The following TXNDC16 variants were observed in gnomAD, a reference collection of about 807,000 sequenced individuals.
TXNDC16 encodes thioredoxin domain containing 16.
A neutral mutation model predicts 85.6 loss-of-function variants in TXNDC16; 74 were observed. The observed-to-expected ratio is 0.86, with a 90% CI of 0.72 to 1.05. TXNDC16 has a LOEUF of 1.05. Among genes scored for constraint, TXNDC16 ranks in the 50% least tolerant of loss-of-function variants. The pLI, the probability that TXNDC16 is intolerant of heterozygous loss-of-function variation, is 0.00. For synonymous variants in TXNDC16, 335 were observed against 326.5 expected, an observed-to-expected ratio of 1.03 and a Z score of -0.28; for missense variants, 959 against 947.0, an observed-to-expected ratio of 1.01 and a Z score of -0.17.
intron 16 of TXNDC16, among the ~76,000 whole-genome samples, chr14:52,466,130 TTAAA>T (rs965758789): frequency 1.2e-4 from 18 of 151,384 alleles, no homozygotes; most frequent in African/African-American, 4.1e-4. Flanking sequence ...CAATAAATAA[TTAAA>T]TAAATAAATA....
In TXNDC16 at chr14:52,490,913, A is replaced by C. The variant is rs764369521; in HGVS notation, c.849T>G (p.Tyr283Ter). ...ATTCTGCAGTTCTTCTATCAGCTTCATAAGTAGCCTGTTGGCTAACAATAA... is the reference window on the plus strand; with the variant it reads ...ATTCTGCAGTTCTTCTATCAGCTTCCTAAGTAGCCTGTTGGCTAACAATAA... ...LVFIVSQQAT[Y>*]EADRRTAEWV... Residue 283 changes from tyrosine to a stop codon, truncating the protein, a stop_gained, in exon 10 of 21, where the codon TAT becomes TAG. Transcript: ENST00000281741. LOFTEE classifies it high-confidence loss of function. The C allele has an allele frequency of 1.2e-6, 2 of 1,613,750 alleles. No individual in the cohort carries two copies. The highest frequency in any genetic ancestry group is 1.7e-6 in the Non-Finnish European group (2 of 1,179,914).
intron 2 of TXNDC16, 147 bp from the exon 3 acceptor site, chr14:52,543,777 A>G: frequency 4.2e-6 from 2 of 477,212 alleles, no homozygotes; most frequent in Non-Finnish European, 7.4e-6. Flanking sequence ...GAGGGGGGAC[A>G]ATATATAACA....
intron 6 of TXNDC16, among the ~76,000 whole-genome samples, chr14:52,524,176 T>C (rs2037273944): frequency 6.6e-6 from 1 of 152,242 alleles, no homozygotes; most frequent in African/African-American, 2.4e-5. Flanking sequence ...GGAGGACAGC[T>C]GTAAAAGTAA....
rs985194456 is a variant in TXNDC16, at chr14:52,431,751, T to A, written c.*553A>T. 6.6e-6 allele frequency: 1 copy of A among 152,280 alleles called. No homozygotes were observed. The highest frequency in any genetic ancestry group is 1.9e-4 in the East Asian group (1 of 5,208). The allele number at this position is 152,280 out of a possible 1,614,324, so 9.4% of individuals were successfully genotyped here. A position where few individuals can be genotyped will look rare whatever the true frequency, so the allele number is the denominator to read the frequency against. Reference sequence around the variant, plus strand: ...ACAATTGCTAAATATCCCCTGAGGTTGACAAACGCTGATTTTAATATCATG... The same window carrying A: ...ACAATTGCTAAATATCCCCTGAGGTAGACAAACGCTGATTTTAATATCATG... On this transcript the variant is annotated 3_prime_UTR_variant, in exon 21 of 21. Coordinates refer to ENST00000281741, the MANE Select transcript of TXNDC16 (RefSeq NM_020784.3).
intron 9 of TXNDC16, among the ~76,000 whole-genome samples, chr14:52,497,753 C>T (rs571795629): frequency 6.6e-6 from 1 of 152,078 alleles, no homozygotes; most frequent in South Asian, 2.1e-4. Context: ...TGGCAGCATG[C>T]ACCTGTAATC....
chr14:52,544,934 C>A (rs927225910), intron 1 of TXNDC16, among the ~76,000 whole-genome samples: 16 of 151,986 alleles, frequency 1.1e-4, no homozygotes, highest in African/African-American at 3.4e-4. Context: ...TACATTATAA[C>A]CATTTTAAAC....
At chr14:52,476,863 C>T (rs779911699) in intron 14 of TXNDC16, among the ~76,000 whole-genome samples, 3 of 152,112 alleles carry the variant, frequency 2.0e-5, no homozygotes, top group Non-Finnish European at 4.4e-5. Context: ...AATGCCTAGG[C>T]ACATTGTCAT....
At chr14:52,459,679 C>T (rs1481097193) in intron 16 of TXNDC16, among the ~76,000 whole-genome samples, 1 of 152,178 alleles carries the variant, frequency 6.6e-6, no homozygotes, top group Non-Finnish European at 1.5e-5. Context: ...ACAAAGTATG[C>T]AAACTAAATC....
chr14:52,533,575 C>T (rs920382387), intron 6 of TXNDC16, among the ~76,000 whole-genome samples: 1 of 152,186 alleles, frequency 6.6e-6, no homozygotes, highest in Non-Finnish European at 1.5e-5. Context: ...TCAATCAGAA[C>T]AACAAGCCAA....
chr14:52,479,667 G>A (rs1048643216), intron 14 of TXNDC16, among the ~76,000 whole-genome samples: 16 of 152,018 alleles, frequency 1.1e-4, no homozygotes, highest in Admixed American at 3.3e-4. Flanking sequence ...GAAAGAAATC[G>A]TGGATGACAC....
intron 6 of TXNDC16, among the ~76,000 whole-genome samples, chr14:52,533,869 G>C (rs1280893305): frequency 6.6e-6 from 1 of 152,170 alleles, no homozygotes. Flanking sequence ...CCTTAGCCAA[G>C]GGCTCTGGTA....
At chr14:52,465,041 G>A (rs2035739849) in intron 16 of TXNDC16, among the ~76,000 whole-genome samples, 1 of 152,138 alleles carries the variant, frequency 6.6e-6, no homozygotes. Flanking sequence ...TTTATTTTTT[G>A]TAAGTTCCTT....
intron 12 of TXNDC16, among the ~76,000 whole-genome samples, chr14:52,485,930 A>G (rs1436231213): frequency 1.3e-5 from 2 of 152,206 alleles, no homozygotes; most frequent in Non-Finnish European, 2.9e-5. Context: ...GCCATTTTCT[A>G]TACGACTCTA....
In TXNDC16 at chr14:52,470,573, C is replaced by T. The variant is rs2035883570; in HGVS notation, c.1420G>A (p.Glu474Lys). Residue 474 changes from glutamate to lysine, a missense_variant, in exon 15 of 21, where the codon GAG becomes AAG. Coordinates refer to ENST00000281741, the MANE Select transcript of TXNDC16 (RefSeq NM_020784.3). The stretch of plus-strand genomic sequence containing the variant: ...ATTCCAGCATAAGATACTGGGTTCT[C>T]GCCTTTCTTGTACATCTTTATGATA... ...FPIIKMYKKG[E>K]NPVSYAGMLG... 5 of 1,613,904 alleles carry T rather than the reference C, an allele frequency of 3.1e-6. No homozygotes were observed. Among genetic ancestry groups the T allele is most frequent in the Non-Finnish European group, 2.5e-6 (3 of 1,179,916 alleles).
At chr14:52,478,624 A>G (rs1247278994) in intron 14 of TXNDC16, among the ~76,000 whole-genome samples, 1 of 152,136 alleles carries the variant, frequency 6.6e-6, no homozygotes, top group Non-Finnish European at 1.5e-5. Flanking sequence ...AGAAAGAATT[A>G]GCTACTCTGA....
At chr14:52,505,534 C>T (rs2036775958) in intron 9 of TXNDC16, among the ~76,000 whole-genome samples, 1 of 152,164 alleles carries the variant, frequency 6.6e-6, no homozygotes, top group Non-Finnish European at 1.5e-5. Context: ...AAAGACATGA[C>T]ATACCAGAAT....
At chr14:52,502,997 G>C (rs771843076) in intron 9 of TXNDC16, among the ~76,000 whole-genome samples, 6 of 152,190 alleles carry the variant, frequency 3.9e-5, no homozygotes, top group Non-Finnish European at 8.8e-5. Flanking sequence ...AGCAGTCTGA[G>C]ATCAAACTGC....
chr14:52,505,811 C>T (rs144703893), intron 9 of TXNDC16, among the ~76,000 whole-genome samples: 16,720 of 151,914 alleles, frequency 0.11, 1,220 homozygotes, highest in East Asian at 0.37. Flanking sequence ...ATCAACAAAA[C>T]TGATAGACCG....
intron 1 of TXNDC16, among the ~76,000 whole-genome samples, chr14:52,551,922 C>T (rs1171018180): frequency 6.6e-6 from 1 of 151,894 alleles, no homozygotes; most frequent in Admixed American, 6.6e-5. Flanking sequence ...AGAGCATCTT[C>T]CCAAATTCTA....
Sources: allele counts gnomAD v4.1 joint callset (sites outside exome capture counted in the v4.1 genomes callset), GRCh38; gene constraint gnomAD v4.1.1; transcripts MANE v1.5; gene names NCBI Gene and HGNC (gene_info 2026-07-23, HGNC 2026-07-21).